Variants in EPM2A observed in about 807,000 individuals in gnomAD.
EPM2A encodes the protein laforin.
Under a neutral mutation model 26.5 loss-of-function variants are expected in EPM2A, and 21 were observed. The observed-to-expected ratio is 0.79, with a 90% CI of 0.56 to 1.14. The LOEUF is 1.14. Ranked by LOEUF, EPM2A falls within the 50% of genes most tolerant of loss-of-function variation. The pLI, the probability that EPM2A is intolerant of heterozygous loss-of-function variation, is 0.00. For missense variants in EPM2A, 458 were observed against 440.8 expected, an observed-to-expected ratio of 1.04 and a Z score of -0.35; for synonymous variants, 217 against 177.6, an observed-to-expected ratio of 1.22 and a Z score of -1.76.
intron 3 of EPM2A, among the ~76,000 whole-genome samples, chr6:145,634,892 C>T (rs905466045): frequency 1.3e-5 from 2 of 152,116 alleles, no homozygotes; most frequent in African/African-American, 4.8e-5. Flanking sequence ...TAGTTTTAAA[C>T]TTCTATTTTT....
intron 2 of EPM2A, among the ~76,000 whole-genome samples, chr6:145,615,396 A>G (rs1775484585): frequency 6.6e-6 from 1 of 152,160 alleles, no homozygotes; most frequent in Non-Finnish European, 1.5e-5. Flanking sequence ...CTGTAAGTCC[A>G]TTAAAACCCT....
At chr6:145,636,637 A>G (rs1443584259) in intron 2 of EPM2A, 2 of 148,942 alleles carry the variant, frequency 1.3e-5, no homozygotes, top group Admixed American at 6.6e-5. Context: ...GTAAAAACCA[A>G]AAAAGAAGCT....
At chr6:145,704,648 T>C (rs2128627789) in intron 1 of EPM2A, among the ~76,000 whole-genome samples, 1 of 152,286 alleles carries the variant, frequency 6.6e-6, no homozygotes, top group South Asian at 2.1e-4. Context: ...TTCACTGCTG[T>C]TCACACCATA....
chr6:145,626,021 C>A lies in EPM2A; in HGVS notation c.*1395G>T, dbSNP rs1042181506. The A allele has an allele frequency of 8.8e-7, 1 of 1,130,156 alleles. No homozygotes were observed. The allele number at this position is 1,130,156 out of a possible 1,614,324, so 70.0% of individuals were successfully genotyped here. A position where few individuals can be genotyped will look rare whatever the true frequency, so the allele number is the denominator to read the frequency against. ...GAGTTAACCCTTCTGACCTTAGTTT[C>A]CCCATCTTTATCATGGAGATAATGA... On this transcript the variant is annotated 3_prime_UTR_variant, in exon 4 of 4. Coordinates refer to ENST00000367519, the MANE Select transcript of EPM2A (RefSeq NM_005670.4).
intron 3 of EPM2A, chr6:145,634,750 T>A (rs1539380): frequency 0.12 from 19,437 of 159,744 alleles, 1,571 homozygotes; most frequent in Non-Finnish European, 0.19. Flanking sequence ...TCACTCTTCC[T>A]CCAGCCCACC....
chr6:145,464,690 C>G (rs977874340), intron 4 of EPM2A, among the ~76,000 whole-genome samples: 1 of 152,034 alleles, frequency 6.6e-6, no homozygotes, highest in Non-Finnish European at 1.5e-5. Context: ...CATATTTTCT[C>G]CCAGTCTGTC....
chr6:145,437,228 C>G (rs571281881), intron 4 of EPM2A, among the ~76,000 whole-genome samples: 2 of 152,092 alleles, frequency 1.3e-5, no homozygotes, highest in African/African-American at 2.4e-5. Context: ...CACCGCCCCC[C>G]TCCTGCCTCC....
intron 2 of EPM2A, among the ~76,000 whole-genome samples, chr6:145,569,986 T>C (rs1022759432): frequency 6.6e-6 from 1 of 152,132 alleles, no homozygotes; most frequent in African/African-American, 2.4e-5. Context: ...TGGAGCCCGA[T>C]GTTCGAGGGC....
At chr6:145,498,108 C>T (rs1409050231), downstream of EPM2A, among the ~76,000 whole-genome samples, 1 of 152,108 alleles carries the variant, frequency 6.6e-6, no homozygotes, top group African/African-American at 2.4e-5. Flanking sequence ...CTGGGGGATC[C>T]CTTCTCTCCC....
rs908283270 is a variant in EPM2A, at chr6:145,491,060, T to C, written c.555+11462A>G. 3.8e-6 allele frequency: 3 copies of C among 783,162 alleles called. No individual in the cohort carries two copies. In the South Asian group the frequency reaches 3.9e-5, roughly 10 times the overall value. The allele number at this position is 783,162 out of a possible 1,614,324, so 48.5% of individuals were successfully genotyped here. A position where few individuals can be genotyped will look rare whatever the true frequency, so the allele number is the denominator to read the frequency against. On this transcript the variant is annotated intron_variant, in intron 4 of 4. Coordinates refer to the EPM2A transcript ENST00000638717. Reference sequence around the variant, plus strand: ...CAGGTTCTGATTCTGCAGATGGCAATGATTCTGTGATAACATTTGAAGTTG... The same window carrying C: ...CAGGTTCTGATTCTGCAGATGGCAACGATTCTGTGATAACATTTGAAGTTG...
chr6:145,401,137 T>C (rs2114666661), intron 4 of EPM2A, among the ~76,000 whole-genome samples: 1 of 152,234 alleles, frequency 6.6e-6, no homozygotes, highest in African/African-American at 2.4e-5. Context: ...TATTTGTCTT[T>C]TTCACTACAA....
chr6:145,500,200 C>A (rs575458626), downstream of EPM2A, among the ~76,000 whole-genome samples: 1 of 152,176 alleles, frequency 6.6e-6, no homozygotes, highest in Non-Finnish European at 1.5e-5. Flanking sequence ...GATGTTCCAA[C>A]TATTTAGAGA....
At chr6:145,670,980 C>CTTGG in intron 2 of EPM2A, 4 of 984,446 alleles carry the variant, frequency 4.1e-6, no homozygotes, top group Non-Finnish European at 3.6e-6. Context: ...CAATTGTAAT[C>CTTGG]TTGGTCTTAA....
At chr6:145,500,871 G>A (rs1167988631), downstream of EPM2A, among the ~76,000 whole-genome samples, 7 of 152,240 alleles carry the variant, frequency 4.6e-5, no homozygotes, top group Admixed American at 2.0e-4. Flanking sequence ...TCTAGCAAAT[G>A]TCCTCAGGTT....
At chr6:145,474,131 C>A (rs946435247) in intron 4 of EPM2A, among the ~76,000 whole-genome samples, 7 of 151,998 alleles carry the variant, frequency 4.6e-5, no homozygotes, top group African/African-American at 1.4e-4. Flanking sequence ...ATAGTTAGTA[C>A]AATAAGATAT....
At chr6:145,621,367 C>T (rs1775628674), downstream of EPM2A, among the ~76,000 whole-genome samples, 1 of 152,170 alleles carries the variant, frequency 6.6e-6, no homozygotes. Context: ...AGTTACCATA[C>T]TTGACTATCA....
At chr6:145,436,593 A>G (rs1321471731) in intron 4 of EPM2A, among the ~76,000 whole-genome samples, 1 of 151,976 alleles carries the variant, frequency 6.6e-6, no homozygotes, top group Non-Finnish European at 1.5e-5. Flanking sequence ...CTAATTATTA[A>G]TGATGTTGAG....
chr6:145,396,439 T>A (rs1468074571), intron 4 of EPM2A, among the ~76,000 whole-genome samples: 6 of 152,174 alleles, frequency 3.9e-5, no homozygotes, highest in Admixed American at 2.0e-4. Context: ...CAAGTAGACA[T>A]CCAATTGTAC....
At chr6:145,698,983 A>G (rs1373817877) in intron 1 of EPM2A, among the ~76,000 whole-genome samples, 1 of 152,242 alleles carries the variant, frequency 6.6e-6, no homozygotes, top group Non-Finnish European at 1.5e-5. Context: ...ACTTCTAGTC[A>G]TCAAAATTGT....
Sources: allele counts gnomAD v4.1 joint callset (sites outside exome capture counted in the v4.1 genomes callset), GRCh38; gene constraint gnomAD v4.1.1; transcripts MANE v1.5; gene names NCBI Gene and HGNC (gene_info 2026-07-23, HGNC 2026-07-21).